Variants in TEX11 observed in about 807,000 individuals in gnomAD.
TEX11 encodes testis-expressed protein 11.
TEX11 carries 7 observed loss-of-function variants against 84.4 expected under a neutral mutation model. That is an observed-to-expected ratio of 0.08 (90% CI 0.05 to 0.16). The LOEUF (loss-of-function observed/expected upper bound fraction) is 0.16, where lower values mean the gene tolerates loss of function less well. TEX11 is among the 10% of genes least tolerant of loss of function. The pLI is 1.00. For synonymous variants in TEX11, 264 were observed against 222.8 expected (o/e 1.18, Z -1.64); for missense variants, 551 against 660.5 (o/e 0.83, Z 1.82).
chrX:70,679,433 C>T (rs1355001651), intron 14 of TEX11, among the ~76,000 whole-genome samples: 1 of 103,473 alleles, frequency 9.7e-6, no homozygotes, highest in Non-Finnish European at 2.0e-5. Context: ...CTCTGCCTGG[C>T]TGCGCAGTCT....
chrX:70,744,995 G>A (rs748587323), intron 9 of TEX11, among the ~76,000 whole-genome samples: 305 of 108,803 alleles, frequency 2.8e-3, no homozygotes, highest in Admixed American at 4.7e-3. Flanking sequence ...TGTTGGGCCC[G>A]ACCCCGAATA....
At chrX:70,805,056 T>C (rs1037645296) in intron 9 of TEX11, among the ~76,000 whole-genome samples, 2 of 106,390 alleles carry the variant, frequency 1.9e-5, no homozygotes, top group Non-Finnish European at 3.9e-5. Flanking sequence ...GCCATAAACT[T>C]TGTGAGTGTT....
intron 22 of TEX11, 88 bp from the exon 23 acceptor site, chrX:70,607,117 C>G (rs895653615): frequency 1.5e-6 from 1 of 662,068 alleles, no homozygotes; most frequent in African/African-American, 2.2e-5. Flanking sequence ...GATACTTACA[C>G]CTTTGATATT....
chrX:70,550,930 A>G (rs916908583), intron 28 of TEX11, among the ~76,000 whole-genome samples: 1 of 111,996 alleles, frequency 8.9e-6, no homozygotes, highest in Non-Finnish European at 1.9e-5. Flanking sequence ...AAATCAGTAT[A>G]TCAAAGAGGT....
In TEX11 at chrX:70,774,528, C is replaced by T. The variant is rs769154765; in HGVS notation, c.693-30309G>A. Among the ~76,000 whole-genome samples, 15 of 111,292 alleles carry T rather than the reference C, an allele frequency of 1.3e-4. No individual in the cohort carries two copies. In the South Asian group the frequency reaches 5.6e-3, roughly 42 times the overall value. ...ATAACTTTGGTAAACTTGCAGAATA[C>T]AAAATCAACATACAAAAATCAGCAG... On this transcript the variant is annotated intron_variant, in intron 9 of 29. Transcript: ENST00000374333.
chrX:70,640,598 G>C (rs1158229644), intron 17 of TEX11, among the ~76,000 whole-genome samples: 1 of 110,236 alleles, frequency 9.1e-6, no homozygotes, highest in Non-Finnish European at 1.9e-5. Context: ...AGCCAGAAGA[G>C]AGTGGGGACC....
At chrX:70,686,863 A>G (rs1233023510) in intron 13 of TEX11, among the ~76,000 whole-genome samples, 1 of 111,488 alleles carries the variant, frequency 9.0e-6, no homozygotes, top group East Asian at 2.8e-4. Flanking sequence ...CTTGTATTTT[A>G]TCTGGCAACT....
intron 8 of TEX11, among the ~76,000 whole-genome samples, chrX:70,819,938 A>T (rs779086554): frequency 7.2e-5 from 8 of 111,852 alleles, no homozygotes; most frequent in African/African-American, 2.6e-4. Context: ...ATAAATGGAA[A>T]TACATCCCAC....
At chrX:70,667,522 A>G (rs2089986133) in intron 16 of TEX11, among the ~76,000 whole-genome samples, 2 of 112,372 alleles carry the variant, frequency 1.8e-5, no homozygotes, top group Non-Finnish European at 3.8e-5. Flanking sequence ...AAATTGGATT[A>G]GAAAGTTTGG....
chrX:70,621,557 T>A (rs1482922014), intron 20 of TEX11, among the ~76,000 whole-genome samples: 42 of 30,065 alleles, frequency 1.4e-3, no homozygotes, highest in Non-Finnish European at 2.0e-3. Flanking sequence ...AAAAAATATA[T>A]ATATATATAT....
intron 9 of TEX11, among the ~76,000 whole-genome samples, chrX:70,802,487 T>G (rs1317779964): frequency 9.0e-6 from 1 of 111,663 alleles, no homozygotes. Flanking sequence ...CATTGTACAC[T>G]ATTAAATACA....
At chrX:70,763,829 A>T (rs1010177885) in intron 9 of TEX11, among the ~76,000 whole-genome samples, 1 of 111,754 alleles carries the variant, frequency 8.9e-6, no homozygotes, top group Non-Finnish European at 1.9e-5. Context: ...GAGCACCCAG[A>T]TATATAAAGC....
At chrX:70,906,254 A>T (rs2091833644) in intron 2 of TEX11, among the ~76,000 whole-genome samples, 1 of 104,592 alleles carries the variant, frequency 9.6e-6, no homozygotes, top group Admixed American at 1.1e-4. Flanking sequence ...AGTTCTTTGA[A>T]ATATCTGAAG....
At chrX:70,649,321 T>C (rs1008403521) in intron 17 of TEX11, among the ~76,000 whole-genome samples, 2 of 112,200 alleles carry the variant, frequency 1.8e-5, no homozygotes, top group Non-Finnish European at 3.8e-5. Context: ...TGAACTAATT[T>C]ACATTCCCAC....
chrX:70,600,099 A>T (rs2089076600), intron 24 of TEX11, among the ~76,000 whole-genome samples: 1 of 111,412 alleles, frequency 9.0e-6, no homozygotes, highest in Non-Finnish European at 1.9e-5. Flanking sequence ...TGCCACACTG[A>T]CTTCCACAAT....
At chrX:70,809,523 T>A (rs190531089) in intron 8 of TEX11, among the ~76,000 whole-genome samples, 2 of 111,117 alleles carry the variant, frequency 1.8e-5, no homozygotes, top group Admixed American at 1.9e-4. Flanking sequence ...GGGAAGTCAA[T>A]ATATAATATC....
intron 25 of TEX11, among the ~76,000 whole-genome samples, chrX:70,563,551 G>C (rs1240769208): frequency 8.9e-6 from 1 of 112,073 alleles, no homozygotes; most frequent in African/African-American, 3.2e-5. Flanking sequence ...AATTATTCCA[G>C]TATAATATTG....
At chrX:70,750,011 G>T (rs1027997141) in intron 9 of TEX11, among the ~76,000 whole-genome samples, 2 of 110,508 alleles carry the variant, frequency 1.8e-5, no homozygotes, top group African/African-American at 6.6e-5. Flanking sequence ...GAAAATTTTC[G>T]CAACCTACTC....
intron 11 of TEX11, among the ~76,000 whole-genome samples, chrX:70,732,266 C>T (rs1262053340): frequency 9.0e-6 from 1 of 111,676 alleles, no homozygotes; most frequent in East Asian, 2.8e-4. Flanking sequence ...CCCTCTCTCA[C>T]CACTCCTATT....
Sources: allele counts gnomAD v4.1 joint callset (sites outside exome capture counted in the v4.1 genomes callset), GRCh38; gene constraint gnomAD v4.1.1; transcripts MANE v1.5; gene names NCBI Gene and HGNC (gene_info 2026-07-23, HGNC 2026-07-21).